Variants in TSR2 observed in about 807,000 individuals in gnomAD.
TSR2 encodes the protein TSR2 ribosome maturation factor.
TSR2 carries 1 observed loss-of-function variant against 13.3 expected under a neutral mutation model. That is an observed-to-expected ratio of 0.08 (90% CI 0.03 to 0.36). TSR2 has a LOEUF of 0.36. TSR2 is among the 10% of genes least tolerant of loss of function. TSR2 has a pLI of 0.99. For missense variants in TSR2, 120 were observed against 151.1 expected (o/e 0.79, Z 1.08); for synonymous variants, 60 against 57.7 (o/e 1.04, Z -0.18).
Position 54,446,394 on chromosome X carries a change from G to A in TSR2, c.*1844G>A. 1 of 1,209,752 alleles carries A rather than the reference G, an allele frequency of 8.3e-7. No homozygotes were observed. Among genetic ancestry groups the A allele is most frequent in the Non-Finnish European group, 1.1e-6 (1 of 894,595 alleles). ...CCACCTCGAAGCCAATGAGGGGCAG[G>A]CTGCGCTGGGCTTTCACATCCTGGC... On this transcript the variant is annotated 3_prime_UTR_variant, in exon 5 of 5. Coordinates refer to ENST00000375151, the MANE Select transcript of TSR2 (RefSeq NM_058163.3).
chrX:54,441,158 G>A (rs753659076), intron 2 of TSR2, among the ~76,000 whole-genome samples: 23 of 112,502 alleles, frequency 2.0e-4, no homozygotes, highest in Admixed American at 8.5e-4. Flanking sequence ...AACTCGGTGT[G>A]TATGAAATAT....
At position 54,447,203 on chromosome X, in the gene TSR2, C is replaced by T. The variant is rs1450390963; in HGVS notation, c.*2653C>T. 9.1e-6 allele frequency: 8 copies of T among 878,239 alleles called. No individual in the cohort carries two copies. In the South Asian group the frequency reaches 1.7e-4, roughly 19 times the overall value. 72.4% of individuals were successfully genotyped at this position (878,239 alleles called of 1,213,427 possible). On this transcript the variant is annotated 3_prime_UTR_variant, in exon 5 of 5. Transcript: ENST00000375151. ...TCTGATTTCCTCTTAGAGATAGGCT[C>T]ACCTTATCTTCCAAGGCTCACCTTA... is the stretch of plus-strand genomic sequence containing the variant.
rs1235570442 is a variant in TSR2 at position 54,440,415 on chromosome X, C to T, written c.-7C>T. The T allele has an allele frequency of 4.4e-6, 5 of 1,131,925 alleles. No individual in the cohort carries two copies. Among genetic ancestry groups the T allele is most frequent in the Non-Finnish European group, 5.8e-6 (5 of 859,881 alleles). The allele number at this position is 1,131,925 out of a possible 1,213,427, so 93.3% of individuals were successfully genotyped here. A position where few individuals can be genotyped will look rare whatever the true frequency, so the allele number is the denominator to read the frequency against. On this transcript the variant is annotated 5_prime_UTR_variant, in exon 1 of 5. Transcript: ENST00000375151. ...CGCCGGGACGTCACGTGGACTGGGG[C>T]CGGATAATGGCGGGCGCTGCAGAAG...
intron 4 of TSR2, 105 bp from the exon 5 acceptor site, chrX:54,444,311 C>T: frequency 8.7e-7 from 1 of 1,146,073 alleles, no homozygotes. Context: ...CCAGAGAGGG[C>T]AGGGAACTTT....
In TSR2 at chrX:54,442,702, C is replaced by A. The variant is rs769463648; in HGVS notation, c.173-698C>A. ...AGCCCAGAGAGGAAGGTGGCTCAGT[C>A]AGAGTCACACAGTAGGATGTCAGTG... On this transcript the variant is annotated intron_variant, in intron 2 of 4. Transcript: ENST00000375151. Among the ~76,000 whole-genome samples, 87 of 111,667 alleles carry A rather than the reference C, an allele frequency of 7.8e-4. 1 individual carries two copies. The highest frequency in any genetic ancestry group is 2.7e-3 in the African/African-American group (84 of 30,752).
rs1266536733 is a variant in TSR2, at chrX:54,446,592, A to C, written c.*2042A>C. ...GGAACATGTCAGAACTGGGGCTAAAATGCAGGCTGGTTTAAATACCTGTCT... is the reference window on the plus strand; with the variant it reads ...GGAACATGTCAGAACTGGGGCTAAACTGCAGGCTGGTTTAAATACCTGTCT... On this transcript the variant is annotated 3_prime_UTR_variant, in exon 5 of 5. Coordinates refer to ENST00000375151, the MANE Select transcript of TSR2 (RefSeq NM_058163.3). Among the ~76,000 whole-genome samples, 2 of 111,013 alleles carry C rather than the reference A, an allele frequency of 1.8e-5. No homozygotes were observed. The highest frequency in any genetic ancestry group is 6.6e-5 in the African/African-American group (2 of 30,503).
chrX:54,445,762 C>T lies in TSR2; in HGVS notation c.*1212C>T, dbSNP rs1922131167. ...AGAGCTGGCACTTGAATCCAGGTCT[C>T]CTACCTCTGGTGCTTTGTGGGGAAC... On this transcript the variant is annotated 3_prime_UTR_variant, in exon 5 of 5. Coordinates refer to ENST00000375151, the MANE Select transcript of TSR2 (RefSeq NM_058163.3). 2 of 180,943 alleles carry T rather than the reference C, an allele frequency of 1.1e-5. No homozygotes were observed. The highest frequency in any genetic ancestry group is 2.0e-5 in the Non-Finnish European group (2 of 101,256). 14.9% of individuals were successfully genotyped at this position (180,943 alleles called of 1,213,427 possible).
At chrX:54,444,290 A>G (rs1212102063) in intron 4 of TSR2, 106 bp downstream of exon 4, 2 of 1,155,308 alleles carry the variant, frequency 1.7e-6, no homozygotes, top group East Asian at 3.0e-5. Context: ...GGTTGGTGGT[A>G]GTAGTATTAT....
chrX:54,442,376 G>A (rs749194261), intron 2 of TSR2, among the ~76,000 whole-genome samples: 1 of 111,384 alleles, frequency 9.0e-6, no homozygotes, highest in African/African-American at 3.3e-5. Flanking sequence ...GGTGGATTAG[G>A]TGTCTTTTCT....
chrX:54,441,927 T>A (rs977386945), intron 2 of TSR2, among the ~76,000 whole-genome samples: 80 of 112,229 alleles, frequency 7.1e-4, no homozygotes, highest in African/African-American at 2.4e-3. Flanking sequence ...GAAAAACTCT[T>A]GTTCTGCTCC....
At position 54,444,551 on chromosome X, in the gene TSR2, G is replaced by C. The variant is rs1479680551; in HGVS notation, c.*1G>C. On this transcript the variant is annotated 3_prime_UTR_variant, in exon 5 of 5. Transcript: ENST00000375151. ...GACCATTGTCCGGAGAAAAAAATGA[G>C]TGGGGATGATTGGAAATGGCTTTGG... is the stretch of plus-strand genomic sequence containing the variant. 34 of 1,207,983 alleles carry C rather than the reference G, an allele frequency of 2.8e-5. 1 individual carries two copies. The highest frequency in any genetic ancestry group is 3.4e-5 in the Non-Finnish European group (30 of 894,346).
intron 2 of TSR2, among the ~76,000 whole-genome samples, chrX:54,442,562 A>T (rs1286904851): frequency 5.4e-5 from 6 of 111,011 alleles, no homozygotes; most frequent in Non-Finnish European, 1.1e-4. Context: ...AAGAGTGTGG[A>T]TGAGCTCTCC....
intron 2 of TSR2, among the ~76,000 whole-genome samples, chrX:54,442,441 G>A (rs1255427095): frequency 1.8e-5 from 2 of 111,684 alleles, no homozygotes; most frequent in East Asian, 2.8e-4. Flanking sequence ...AAGGTGATGA[G>A]TCTGGCTTTA....
chrX:54,440,517 G>A lies in TSR2; in HGVS notation c.81+15G>A. On this transcript the variant is annotated intron_variant, in intron 1 of 4. Transcript: ENST00000375151. ...CGGCCTTGCAGGTCAGTGGGGCCAG[G>A]GCCAGGGCAAGGTCAAGGTTAGGGC... The A allele has an allele frequency of 8.7e-7, 1 of 1,148,316 alleles. No homozygotes were observed. Among genetic ancestry groups the A allele is most frequent in the Non-Finnish European group, 1.2e-6 (1 of 864,485 alleles). The allele number at this position is 1,148,316 out of a possible 1,213,427, so 94.6% of individuals were successfully genotyped here.
chrX:54,442,222 C>T (rs185756196), intron 2 of TSR2, among the ~76,000 whole-genome samples: 6 of 111,248 alleles, frequency 5.4e-5, no homozygotes, highest in Admixed American at 3.8e-4. Context: ...CTGATGAGAA[C>T]GCTGTTTTTG....
rs757311033 is a variant in TSR2 at position 54,447,303 on chromosome X, A to G, written c.*2753A>G. 4 of 1,211,690 alleles carry G rather than the reference A, an allele frequency of 3.3e-6. No individual in the cohort carries two copies. The highest frequency in any genetic ancestry group is 4.5e-6 in the Non-Finnish European group (4 of 895,274). ...GGCTGAAAGGACCCGAAGGAGTAGGATGCATACCTGAGGGGCTCCGTAGAT... is the reference window on the plus strand; with the variant it reads ...GGCTGAAAGGACCCGAAGGAGTAGGGTGCATACCTGAGGGGCTCCGTAGAT... On this transcript the variant is annotated 3_prime_UTR_variant, in exon 5 of 5. Coordinates refer to ENST00000375151, the MANE Select transcript of TSR2 (RefSeq NM_058163.3).
chrX:54,443,567 A>G (rs1922007223), intron 3 of TSR2, 76 bp downstream of exon 3: 1 of 774,314 alleles, frequency 1.3e-6, no homozygotes, highest in Admixed American at 3.3e-5. Flanking sequence ...TTTTGGGCCA[A>G]GACTCTTGAC....
At position 54,445,816 on chromosome X, in the gene TSR2, A is replaced by C; in HGVS notation, c.*1266A>C. 5 of 288,421 alleles carry C rather than the reference A, an allele frequency of 1.7e-5. No individual in the cohort carries two copies. The highest frequency in any genetic ancestry group is 7.5e-5 in the East Asian group (1 of 13,332). 23.8% of individuals were successfully genotyped at this position (288,421 alleles called of 1,213,427 possible). A position where few individuals can be genotyped will look rare whatever the true frequency, so the allele number is the denominator to read the frequency against. On this transcript the variant is annotated 3_prime_UTR_variant, in exon 5 of 5. Transcript: ENST00000375151. ...GTGGAGGCAGGATCTGTGGTAGGGTATTGAGGGATGAGGGAGAAAAACGAC... is the reference window on the plus strand; with the variant it reads ...GTGGAGGCAGGATCTGTGGTAGGGTCTTGAGGGATGAGGGAGAAAAACGAC...
chrX:54,444,819 G>A lies in TSR2; in HGVS notation c.*269G>A, dbSNP rs762100921. The A allele has an allele frequency of 1.9e-4, 35 of 183,072 alleles. No homozygotes were observed. Among genetic ancestry groups the A allele is most frequent in the Middle Eastern group, 3.5e-3 (2 of 570 alleles). The allele number at this position is 183,072 out of a possible 1,213,427, so 15.1% of individuals were successfully genotyped here. A position where few individuals can be genotyped will look rare whatever the true frequency, so the allele number is the denominator to read the frequency against. On this transcript the variant is annotated 3_prime_UTR_variant, in exon 5 of 5. Transcript: ENST00000375151. Reference sequence around the variant, plus strand: ...TTCCCCAGTACAGTGTCTTTTGGGTGCGGTCATTGTGAGGAAGGGGATGAG... The same window carrying A: ...TTCCCCAGTACAGTGTCTTTTGGGTACGGTCATTGTGAGGAAGGGGATGAG...
Sources: gnomAD v4.1 joint callset for allele counts (sites outside exome capture counted in the v4.1 genomes callset) on GRCh38, gnomAD v4.1.1 for gene constraint, MANE v1.5 for transcripts, NCBI Gene and HGNC (gene_info 2026-07-23, HGNC 2026-07-21) for gene names.